Variants in RIN2 observed in about 807,000 individuals in gnomAD.
RIN2 encodes the protein RAB5 interacting protein 2.
A neutral mutation model predicts 78.0 loss-of-function variants in RIN2; 36 were observed. That is an observed-to-expected ratio of 0.46 (90% CI 0.35 to 0.61). The LOEUF is 0.61. RIN2 is among the 20% of genes least tolerant of loss of function. The pLI is 0.00. For synonymous variants in RIN2, 466 were observed against 466.8 expected (o/e 1.00, Z 0.02); for missense variants, 1,087 against 1,159.7 (o/e 0.94, Z 0.91).
intron 1 of RIN2, among the ~76,000 whole-genome samples, chr20:19,762,954 G>A (rs1409786410): frequency 6.6e-6 from 1 of 151,938 alleles, no homozygotes; most frequent in African/African-American, 2.4e-5. Context: ...TAGTAGAGAT[G>A]GGGTTTCATG....
At chr20:19,958,977 G>C (rs1327239479) in intron 5 of RIN2, among the ~76,000 whole-genome samples, 1 of 152,220 alleles carries the variant, frequency 6.6e-6, no homozygotes, top group Non-Finnish European at 1.5e-5. Context: ...AGTGAAGTGG[G>C]CTCTTGGGGT....
chr20:19,951,875 T>A (rs1340408593), intron 4 of RIN2, among the ~76,000 whole-genome samples: 1 of 152,196 alleles, frequency 6.6e-6, no homozygotes, highest in African/African-American at 2.4e-5. Flanking sequence ...CACAGTGTTT[T>A]ACCTTTTATG....
At chr20:19,950,290 G>A (rs1383014080) in intron 4 of RIN2, among the ~76,000 whole-genome samples, 1 of 152,168 alleles carries the variant, frequency 6.6e-6, no homozygotes, top group Non-Finnish European at 1.5e-5. Flanking sequence ...GGGTCTCACT[G>A]TATCTGTACC....
At chr20:19,985,075 T>C (rs762679982) in intron 9 of RIN2, among the ~76,000 whole-genome samples, 2 of 152,152 alleles carry the variant, frequency 1.3e-5, no homozygotes, top group Non-Finnish European at 2.9e-5. Context: ...ACAAGCAATT[T>C]CTCCAGTCTT....
intron 2 of RIN2, among the ~76,000 whole-genome samples, chr20:19,858,762 T>G (rs1447073368): frequency 1.3e-5 from 2 of 152,178 alleles, no homozygotes; most frequent in African/African-American, 2.4e-5. Flanking sequence ...TTACTAAAGA[T>G]GTCAATAATT....
intron 2 of RIN2, among the ~76,000 whole-genome samples, chr20:19,866,837 C>T (rs1039902065): frequency 2.0e-5 from 3 of 152,006 alleles, no homozygotes; most frequent in Non-Finnish European, 4.4e-5. Context: ...GTTGACCAGG[C>T]TGATCTCGAT....
intron 1 of RIN2, among the ~76,000 whole-genome samples, chr20:19,787,850 C>T (rs1203885800): frequency 6.6e-6 from 1 of 152,156 alleles, no homozygotes; most frequent in Admixed American, 6.5e-5. Flanking sequence ...CATGTGCTTA[C>T]TGGCAACCAT....
At chr20:19,869,798 T>TTATTTATA (rs1198118713) in intron 2 of RIN2, among the ~76,000 whole-genome samples, 7 of 145,306 alleles carry the variant, frequency 4.8e-5, no homozygotes, top group African/African-American at 1.8e-4. Context: ...CTAATTTTAT[T>TTATTTATA]TATTTATTTA....
chr20:19,980,778 G>A (rs2042426824), intron 9 of RIN2, among the ~76,000 whole-genome samples: 1 of 152,180 alleles, frequency 6.6e-6, no homozygotes, highest in African/African-American at 2.4e-5. Flanking sequence ...GCACCGCATA[G>A]ACGCAGCCCT....
intron 3 of RIN2, among the ~76,000 whole-genome samples, chr20:19,900,236 C>T (rs572005832): frequency 6.6e-6 from 1 of 152,200 alleles, no homozygotes; most frequent in African/African-American, 2.4e-5. Context: ...GTAATCCCAG[C>T]ACTTTGGGAG....
At chr20:19,763,373 G>A (rs1223053973) in intron 1 of RIN2, among the ~76,000 whole-genome samples, 1 of 150,174 alleles carries the variant, frequency 6.7e-6, no homozygotes, top group Admixed American at 6.6e-5. Flanking sequence ...GGGTGACAGA[G>A]CAAGACTCTG....
chr20:19,848,635 A>G (rs922470700), intron 2 of RIN2, among the ~76,000 whole-genome samples: 1 of 144,682 alleles, frequency 6.9e-6, no homozygotes, highest in Non-Finnish European at 1.5e-5. Flanking sequence ...ATCAGTAACA[A>G]TCCTCTTCCC....
At chr20:19,805,598 C>T (rs568728326) in intron 2 of RIN2, among the ~76,000 whole-genome samples, 12 of 152,180 alleles carry the variant, frequency 7.9e-5, no homozygotes, top group East Asian at 7.7e-4. Flanking sequence ...GACAGGGTTT[C>T]GCCACGTTGG....
intron 5 of RIN2, among the ~76,000 whole-genome samples, chr20:19,958,869 A>C (rs988972941): frequency 2.6e-5 from 4 of 152,198 alleles, no homozygotes; most frequent in Non-Finnish European, 5.9e-5. Context: ...ACTCCATCTA[A>C]AAATAAAATA....
intron 4 of RIN2, chr20:19,935,400 A>G: frequency 1.5e-6 from 2 of 1,330,480 alleles, no homozygotes; most frequent in Non-Finnish European, 1.9e-6. Context: ...CTTTGAAGGC[A>G]CTTGAACTTT....
chr20:19,989,272 C>CTTT (rs11455546), intron 9 of RIN2, among the ~76,000 whole-genome samples: 10 of 109,354 alleles, frequency 9.1e-5, no homozygotes, highest in East Asian at 2.4e-4. Flanking sequence ...AGAAAACATT[C>CTTT]TTTTTTTTTT....
At chr20:19,800,168 A>G (rs969851703) in intron 2 of RIN2, among the ~76,000 whole-genome samples, 1 of 152,216 alleles carries the variant, frequency 6.6e-6, no homozygotes, top group East Asian at 1.9e-4. Flanking sequence ...GAAAGAGGAC[A>G]TGGCAGTAAT....
At chr20:19,980,337 T>C (rs1037219431) in intron 9 of RIN2, among the ~76,000 whole-genome samples, 7 of 152,198 alleles carry the variant, frequency 4.6e-5, no homozygotes, top group Non-Finnish European at 1.0e-4. Context: ...TAATTTTTAC[T>C]TTAGGGCATC....
chr20:19,900,170 A>T (rs4814922), intron 3 of RIN2, among the ~76,000 whole-genome samples: 78,872 of 152,036 alleles, frequency 0.52, 21,299 homozygotes, highest in African/African-American at 0.69. Flanking sequence ...CTAGATTTTC[A>T]TGTAAAATAA....
Sources: allele counts gnomAD v4.1 joint callset (sites outside exome capture counted in the v4.1 genomes callset), GRCh38; gene constraint gnomAD v4.1.1; transcripts MANE v1.5; gene names NCBI Gene and HGNC (gene_info 2026-07-23, HGNC 2026-07-21).